Variants in RIMOC1 observed in about 807,000 individuals in gnomAD.
The protein encoded by RIMOC1 is RAB7A interacting MON1-CCZ1 complex subunit 1, also known as RAB7A-interacting MON1-CCZ1 complex subunit 1.
At chr5:41,918,644 C>G in the RIMOC1 span, 1 of 985,346 alleles carries the variant, frequency 1.0e-6, no homozygotes, top group Non-Finnish European at 1.2e-6. Context: ...CTCACTTCAG[C>G]CTTAGAAAAG....
chr5:41,910,042 C>T, the RIMOC1 span: 16 of 587,312 alleles, frequency 2.7e-5, 1 homozygote, highest in Admixed American at 3.6e-4. Flanking sequence ...ACACTTCAGA[C>T]CAATGTTGCA....
At chr5:41,918,707 C>G in the RIMOC1 span, 947 of 985,454 alleles carry the variant, frequency 9.6e-4, 6 homozygotes, top group African/African-American at 0.016. Flanking sequence ...TCCCATTTCC[C>G]GCTGTGGCTG....
At chr5:41,909,943 G>A in the RIMOC1 span, 1 of 1,408,014 alleles carries the variant, frequency 7.1e-7, no homozygotes, top group South Asian at 1.4e-5. Context: ...GGTACTTGCT[G>A]TCCTGCTTTT....
the RIMOC1 span, chr5:41,907,911 C>G: frequency 1.1e-6 from 1 of 881,846 alleles, no homozygotes; most frequent in Non-Finnish European, 1.8e-6. Flanking sequence ...TTGACTCCAA[C>G]TTTAGGTAAA....
chr5:41,907,624 A>G, the RIMOC1 span: 2 of 612,096 alleles, frequency 3.3e-6, no homozygotes, highest in Non-Finnish European at 5.6e-6. Flanking sequence ...GTTTCTCCAT[A>G]TGTCATAATA....
the RIMOC1 span, chr5:41,907,732 A>T: frequency 7.0e-6 from 11 of 1,581,518 alleles, no homozygotes; most frequent in African/African-American, 4.1e-5. Context: ...TTTATTTCTT[A>T]TAGATCACTT....
chr5:41,911,200 C>T, the RIMOC1 span: 2 of 1,583,290 alleles, frequency 1.3e-6, no homozygotes, highest in African/African-American at 2.7e-5. Context: ...ATTCCTTACA[C>T]ATTTTTCATT....
At chr5:41,916,964 GT>G in the RIMOC1 span, 1 of 1,455,256 alleles carries the variant, frequency 6.9e-7, no homozygotes, top group Non-Finnish European at 9.2e-7. Context: ...AATAACTACG[GT>G]TTCTTTTTAA....
chr5:41,907,174 A>G, the RIMOC1 span, among the ~76,000 whole-genome samples: 13 of 152,274 alleles, frequency 8.5e-5, no homozygotes, highest in African/African-American at 2.9e-4. Context: ...AAATGAGGTA[A>G]TTTGTTTCTA....
chr5:41,917,891 A>G, the RIMOC1 span: 1 of 808,166 alleles, frequency 1.2e-6, no homozygotes, highest in East Asian at 1.2e-4. Flanking sequence ...TACTTCCCTT[A>G]GGCATTTTAT....
At chr5:41,917,426 TG>T in the RIMOC1 span, 1 of 1,393,636 alleles carries the variant, frequency 7.2e-7, no homozygotes, top group Non-Finnish European at 9.3e-7. Context: ...ATATCCAGCT[TG>T]GGTACCCTAC....
At chr5:41,910,562 A>T in the RIMOC1 span, among the ~76,000 whole-genome samples, 6 of 151,608 alleles carry the variant, frequency 4.0e-5, no homozygotes, top group African/African-American at 1.5e-4. Context: ...ACTTAGATAT[A>T]TTTTTTTTCT....
chr5:41,919,531 C>T, the RIMOC1 span: 1 of 152,142 alleles, frequency 6.6e-6, no homozygotes, highest in Non-Finnish European at 1.5e-5. Context: ...TACCTTTGTG[C>T]TTTCTAAGTA....
At chr5:41,916,902 G>A in the RIMOC1 span, 1 of 907,070 alleles carries the variant, frequency 1.1e-6, no homozygotes, top group Non-Finnish European at 1.6e-6. Context: ...TACTGTTAAA[G>A]TGAGAATAGA....
the RIMOC1 span, among the ~76,000 whole-genome samples, chr5:41,906,673 C>T: frequency 2.6e-5 from 4 of 152,184 alleles, no homozygotes; most frequent in Admixed American, 2.6e-4. Flanking sequence ...GTGGATCTTA[C>T]AGCAGTCAAA....
the RIMOC1 span, among the ~76,000 whole-genome samples, chr5:41,906,254 G>A: frequency 3.3e-5 from 5 of 152,182 alleles, no homozygotes; most frequent in Middle Eastern, 3.4e-3. Flanking sequence ...ATGGAAGTAC[G>A]TCATGAGGGA....
chr5:41,906,797 C>T, the RIMOC1 span, among the ~76,000 whole-genome samples: 1 of 152,328 alleles, frequency 6.6e-6, no homozygotes, highest in Non-Finnish European at 1.5e-5. Flanking sequence ...TGTGTAACTC[C>T]TGAGGCTGGA....
the RIMOC1 span, among the ~76,000 whole-genome samples, chr5:41,908,788 T>C: frequency 6.6e-6 from 1 of 152,150 alleles, no homozygotes. Flanking sequence ...GCAAAAGACC[T>C]AGAGATACAG....
chr5:41,909,609 ACTT>A, the RIMOC1 span: 1 of 480,458 alleles, frequency 2.1e-6, no homozygotes, highest in Non-Finnish European at 3.5e-6. Flanking sequence ...CATTTTGCCT[ACTT>A]CTCAAATTTA....
Sources: allele counts gnomAD v4.1 joint callset (sites outside exome capture counted in the v4.1 genomes callset), GRCh38; gene constraint gnomAD v4.1.1; transcripts MANE v1.5; gene names NCBI Gene and HGNC (gene_info 2026-07-23, HGNC 2026-07-21).